Variants in XIRP2 observed in about 807,000 individuals in gnomAD.
XIRP2 encodes xin actin binding repeat containing 2.
In XIRP2, 236 loss-of-function variants were observed where a neutral mutation model predicts 277.0. That is an observed-to-expected ratio of 0.85 (90% CI 0.77 to 0.95). XIRP2 has a LOEUF of 0.95. XIRP2 is among the 40% of genes least tolerant of loss of function. The pLI is 0.00. For synonymous variants in XIRP2, 1,490 were observed against 1,416.5 expected (o/e 1.05, Z -1.17); for missense variants, 4,640 against 4,157.5 (o/e 1.12, Z -3.19).
chr2:167,155,445 T>C (rs372040063), intron 3 of XIRP2, among the ~76,000 whole-genome samples: 3 of 151,926 alleles, frequency 2.0e-5, no homozygotes, highest in East Asian at 1.9e-4. Context: ...GTTCAATATA[T>C]GCAAATCAAT....
At chr2:166,890,088 C>T (rs193143399) in intron 1 of XIRP2, among the ~76,000 whole-genome samples, 101 of 148,988 alleles carry the variant, frequency 6.8e-4, no homozygotes, top group East Asian at 5.3e-3. Flanking sequence ...GTCCACCTCC[C>T]AGGTTCAAGC....
intron 2 of XIRP2, among the ~76,000 whole-genome samples, chr2:166,979,215 A>G (rs911262108): frequency 6.6e-6 from 1 of 152,144 alleles, no homozygotes; most frequent in Non-Finnish European, 1.5e-5. Flanking sequence ...TTGAGCTTCT[A>G]TGAGTACCTG....
intron 2 of XIRP2, among the ~76,000 whole-genome samples, chr2:166,983,728 G>A (rs1686931602): frequency 6.6e-6 from 1 of 152,138 alleles, no homozygotes; most frequent in South Asian, 2.1e-4. Context: ...ATTGTCCCAA[G>A]ACAAAGAGCC....
chr2:167,248,999 A>G lies in XIRP2; in HGVS notation c.7607A>G (p.Tyr2536Cys). 6 of 1,611,490 alleles carry G rather than the reference A, an allele frequency of 3.7e-6. No individual in the cohort carries two copies. The highest frequency in any genetic ancestry group is 5.1e-6 in the Non-Finnish European group (6 of 1,179,264). Residue 2536 changes from tyrosine (Y) to cysteine (C), a missense_variant, in exon 9 of 11, where the codon TAT becomes TGT. Transcript: ENST00000409195. ...TCAGGACAACAAAATCCAAAACCTT[A>G]TATGAGAAAATTTAAGACACCTTTA... Reference protein sequence around the residue: ...ESSGQQNPKPYMRKFKTPLMI... With the variant: ...ESSGQQNPKPCMRKFKTPLMI...
intron 2 of XIRP2, among the ~76,000 whole-genome samples, chr2:166,974,805 A>T (rs1001476398): frequency 3.3e-5 from 5 of 152,096 alleles, no homozygotes; most frequent in African/African-American, 1.2e-4. Context: ...TGAGAATGTC[A>T]TATGTAAATG....
At chr2:166,981,783 ACATATACGAAGAC>A (rs939012639) in intron 2 of XIRP2, among the ~76,000 whole-genome samples, 1 of 152,168 alleles carries the variant, frequency 6.6e-6, no homozygotes, top group African/African-American at 2.4e-5. Context: ...TAAAGTGAGG[ACATATACGAAGAC>A]CCTATTTCCA....
At chr2:166,998,594 G>A (rs140694398) in intron 2 of XIRP2, among the ~76,000 whole-genome samples, 5,499 of 152,176 alleles carry the variant, frequency 0.036, 116 homozygotes, top group East Asian at 0.061. Context: ...CTGTGATAGC[G>A]CCACTGCACT....
At chr2:166,953,314 G>T (rs1686083304) in intron 2 of XIRP2, among the ~76,000 whole-genome samples, 1 of 151,874 alleles carries the variant, frequency 6.6e-6, no homozygotes, top group Non-Finnish European at 1.5e-5. Flanking sequence ...AAAGGTAATT[G>T]AATCATAGGG....
At chr2:167,050,928 T>G (rs1177370214) in intron 2 of XIRP2, among the ~76,000 whole-genome samples, 4 of 151,948 alleles carry the variant, frequency 2.6e-5, no homozygotes, top group Non-Finnish European at 5.9e-5. Context: ...TGCCTTTAAA[T>G]AGTTTACCTG....
intron 2 of XIRP2, among the ~76,000 whole-genome samples, chr2:167,031,219 A>G (rs192408164): frequency 2.6e-5 from 4 of 152,166 alleles, no homozygotes; most frequent in Non-Finnish European, 4.4e-5. Context: ...TTATGTGTGA[A>G]TTTGATTCTG....
intron 2 of XIRP2, among the ~76,000 whole-genome samples, chr2:166,925,585 A>AGG (rs1685158779): frequency 9.3e-6 from 1 of 107,168 alleles, no homozygotes; most frequent in African/African-American, 3.8e-5. Context: ...GTGTGTGTGT[A>AGG]TGTGTATATA....
At chr2:167,056,387 A>T (rs6719873) in intron 2 of XIRP2, among the ~76,000 whole-genome samples, 11,979 of 152,182 alleles carry the variant, frequency 0.079, 851 homozygotes, top group African/African-American at 0.18. Flanking sequence ...TTCTATATAT[A>T]GAAAGTCTCC....
At chr2:167,068,705 C>A (rs995830219) in intron 2 of XIRP2, among the ~76,000 whole-genome samples, 1 of 151,932 alleles carries the variant, frequency 6.6e-6, no homozygotes, top group Non-Finnish European at 1.5e-5. Context: ...GGCTCAAAGG[C>A]CATAGTTTTT....
At chr2:167,215,231 C>A (rs916062166) in intron 4 of XIRP2, among the ~76,000 whole-genome samples, 6 of 152,036 alleles carry the variant, frequency 3.9e-5, no homozygotes, top group African/African-American at 1.4e-4. Context: ...GTACATTTTT[C>A]TGACCTTAAC....
Position 166,925,602 on chromosome 2 carries a change from T to C in XIRP2, c.408+21712T>C, listed in dbSNP as rs1254062894. On this transcript the variant is annotated intron_variant, in intron 2 of 10. Coordinates refer to ENST00000409195, the MANE Select transcript of XIRP2 (RefSeq NM_152381.6). ...GTGTGTGTATGTGTATATACATATA[T>C]ATATATATATATATATATATATATA... Among the ~76,000 whole-genome samples, 3 of 91,982 alleles carry C rather than the reference T, an allele frequency of 3.3e-5. No individual in the cohort carries two copies. The South Asian group carries it at 1.1e-3, about 35-fold the overall frequency. 60.3% of individuals were successfully genotyped at this position (91,982 alleles called of 152,430 possible). A position where few individuals can be genotyped will look rare whatever the true frequency, so the allele number is the denominator to read the frequency against.
At chr2:167,179,469 C>T (rs1692947506) in intron 3 of XIRP2, among the ~76,000 whole-genome samples, 2 of 151,398 alleles carry the variant, frequency 1.3e-5, no homozygotes, top group Non-Finnish European at 2.9e-5. Context: ...TACAGGGGTG[C>T]ACCACCACAC....
At position 167,249,047 on chromosome 2, in the gene XIRP2, G is replaced by A. The variant is rs781218428; in HGVS notation, c.7655G>A (p.Arg2552Lys). ...TTAATGATTGCTGAAGAAAAATATAGACAACAAAAAGAAGAAATTGAAAAA... is the reference window on the plus strand; with the variant it reads ...TTAATGATTGCTGAAGAAAAATATAAACAACAAAAAGAAGAAATTGAAAAA... ...TPLMIAEEKY[R>K]QQKEEIEKQK... The change falls in exon 9 of 11, where the codon AGA (arginine) becomes AAA (lysine). Residue 2552 changes from arginine to lysine, a missense_variant. By Grantham distance (26) the Arg-to-Lys change is conservative (BLOSUM62 2). Coordinates refer to ENST00000409195, the MANE Select transcript of XIRP2 (RefSeq NM_152381.6). The A allele has an allele frequency of 1.9e-6, 3 of 1,611,212 alleles. No individual in the cohort carries two copies. The highest frequency in any genetic ancestry group is 2.5e-6 in the Non-Finnish European group (3 of 1,179,232).
intron 2 of XIRP2, among the ~76,000 whole-genome samples, chr2:167,039,528 T>G (rs186434328): frequency 6.4e-4 from 97 of 152,232 alleles, no homozygotes; most frequent in Middle Eastern, 6.8e-3. Flanking sequence ...TTCTTGTAGC[T>G]AAGTGGTTGA....
rs762794918 is a variant in XIRP2, at chr2:167,248,346, G to A, written c.6954G>A (p.Met2318Ile). The change falls in exon 9 of 11, where the codon ATG becomes ATA. Residue 2318 changes from methionine (M) to isoleucine (I), a missense_variant. Coordinates refer to ENST00000409195, the MANE Select transcript of XIRP2 (RefSeq NM_152381.6). ...FPLPPPPPLM[M>I]FPEKNGFLPS... ...TTCCTCCTCCACCTCCTTTGATGAT[G>A]TTTCCTGAAAAAAATGGGTTTCTTC... The A allele has an allele frequency of 1.2e-6, 2 of 1,613,486 alleles. No homozygotes were observed. The highest frequency in any genetic ancestry group is 1.7e-6 in the Non-Finnish European group (2 of 1,179,740).
Sources: allele counts gnomAD v4.1 joint callset (sites outside exome capture counted in the v4.1 genomes callset), GRCh38; gene constraint gnomAD v4.1.1; transcripts MANE v1.5; gene names NCBI Gene and HGNC (gene_info 2026-07-23, HGNC 2026-07-21).